The following APBB2 variants were observed in gnomAD, a reference collection of about 807,000 sequenced individuals.
APBB2 encodes amyloid beta precursor protein binding family B member 2.
APBB2 carries 38 observed loss-of-function variants against 82.5 expected under a neutral mutation model. The ratio of observed to expected loss-of-function variants is 0.46; its 90% CI spans 0.36 to 0.60. The LOEUF (loss-of-function observed/expected upper bound fraction) is 0.60. Among genes scored for constraint, APBB2 ranks in the 20% least tolerant of loss-of-function variants. The pLI is 0.00. For missense variants in APBB2, 772 were observed against 972.3 expected, an observed-to-expected ratio of 0.79 and a Z score of 2.74; for synonymous variants, 341 against 368.2, an observed-to-expected ratio of 0.93 and a Z score of 0.85.
intron 2 of APBB2, among the ~76,000 whole-genome samples, chr4:41,139,561 G>A (rs184601342): frequency 1.3e-5 from 2 of 152,186 alleles, no homozygotes; most frequent in East Asian, 1.9e-4. Flanking sequence ...GTGGAACAAC[G>A]ATATAATGGA....
chr4:41,104,749 G>A (rs1746591722), intron 2 of APBB2, among the ~76,000 whole-genome samples: 1 of 152,164 alleles, frequency 6.6e-6, no homozygotes, highest in Non-Finnish European at 1.5e-5. Context: ...AGAATGTGTG[G>A]TATTTGGTTT....
At chr4:40,950,775 G>A (rs945309998) in intron 6 of APBB2, among the ~76,000 whole-genome samples, 2 of 152,106 alleles carry the variant, frequency 1.3e-5, no homozygotes, top group Admixed American at 6.6e-5. Flanking sequence ...CCCAGGAGGC[G>A]GAGGTTGCAG....
At chr4:40,960,478 C>T (rs1216492638) in intron 6 of APBB2, among the ~76,000 whole-genome samples, 3 of 125,368 alleles carry the variant, frequency 2.4e-5, no homozygotes, top group African/African-American at 8.8e-5. Flanking sequence ...GACGGGGTCT[C>T]GCTCTGTCGC....
chr4:40,838,990 G>A (rs1376048789), intron 12 of APBB2, among the ~76,000 whole-genome samples: 3 of 151,980 alleles, frequency 2.0e-5, no homozygotes, highest in African/African-American at 4.8e-5. Flanking sequence ...AGGACATCTC[G>A]TTTCTTTAAT....
chr4:40,944,775 A>G, intron 7 of APBB2, 90 bp downstream of exon 7: 1 of 1,272,700 alleles, frequency 7.9e-7, no homozygotes, highest in Non-Finnish European at 1.1e-6. Flanking sequence ...GCTTACCTTG[A>G]TGACCTGTTG....
intron 1 of APBB2, among the ~76,000 whole-genome samples, chr4:41,196,108 A>G: frequency 0.71 from 107,547 of 150,970 alleles, 38,746 homozygotes; most frequent in African/African-American, 0.79. Context: ...GCAGTGAGCC[A>G]AGATCCCGCC....
intron 4 of APBB2, among the ~76,000 whole-genome samples, chr4:41,056,630 G>C (rs1560632788): frequency 6.6e-6 from 1 of 152,138 alleles, no homozygotes; most frequent in Non-Finnish European, 1.5e-5. Context: ...CAATACCCCA[G>C]AGAAGTCAAC....
chr4:40,955,356 G>C (rs1791334026), intron 6 of APBB2, among the ~76,000 whole-genome samples: 1 of 152,242 alleles, frequency 6.6e-6, no homozygotes, highest in African/African-American at 2.4e-5. Context: ...CTCGATTAGG[G>C]GTGAGAGGTC....
intron 5 of APBB2, among the ~76,000 whole-genome samples, chr4:41,022,071 C>T (rs750028827): frequency 6.6e-6 from 1 of 152,156 alleles, no homozygotes; most frequent in Middle Eastern, 3.4e-3. Flanking sequence ...GGCAAGGGTC[C>T]GTGGCTTCAT....
At chr4:41,208,460 C>T (rs1339347227) in intron 1 of APBB2, among the ~76,000 whole-genome samples, 1 of 152,160 alleles carries the variant, frequency 6.6e-6, no homozygotes, top group Non-Finnish European at 1.5e-5. Context: ...CGGGGTTTCA[C>T]CATGTTGGCC....
intron 1 of APBB2, among the ~76,000 whole-genome samples, chr4:41,163,902 T>C (rs946377998): frequency 3.3e-5 from 5 of 152,240 alleles, no homozygotes; most frequent in African/African-American, 9.6e-5. Context: ...TACAGCTTTG[T>C]ATTCAACCTA....
intron 6 of APBB2, among the ~76,000 whole-genome samples, chr4:40,994,004 G>A (rs1802895032): frequency 6.6e-6 from 1 of 152,066 alleles, no homozygotes; most frequent in African/African-American, 2.4e-5. Context: ...AAACACCTAG[G>A]AGAGGCTGGG....
intron 10 of APBB2, among the ~76,000 whole-genome samples, chr4:40,928,097 A>G (rs1225733532): frequency 6.6e-6 from 1 of 152,250 alleles, no homozygotes; most frequent in Non-Finnish European, 1.5e-5. Flanking sequence ...CGTGCCAAGG[A>G]GTTGTCTTCT....
At chr4:41,196,457 A>C in intron 1 of APBB2, among the ~76,000 whole-genome samples, 1 of 152,164 alleles carries the variant, frequency 6.6e-6, no homozygotes, top group Non-Finnish European at 1.5e-5. Flanking sequence ...CATTCAATGC[A>C]AAAAAATTCC....
chr4:40,983,029 T>G (rs560145751), intron 6 of APBB2, among the ~76,000 whole-genome samples: 1 of 152,266 alleles, frequency 6.6e-6, no homozygotes, highest in South Asian at 2.1e-4. Context: ...ATTACCTAGA[T>G]TTGGGGCTAT....
chr4:40,994,236 G>A (rs191709288), intron 6 of APBB2, among the ~76,000 whole-genome samples: 209 of 150,330 alleles, frequency 1.4e-3, no homozygotes, highest in African/African-American at 4.8e-3. Context: ...GCAGTGAGCC[G>A]AGATCGCGCC....
At chr4:41,121,197 T>A (rs927190658) in intron 2 of APBB2, among the ~76,000 whole-genome samples, 2 of 152,250 alleles carry the variant, frequency 1.3e-5, no homozygotes, top group African/African-American at 2.4e-5. Flanking sequence ...TTACTGTATT[T>A]TTCCTTCTGC....
chr4:40,863,795 A>G (rs570597001), intron 12 of APBB2, among the ~76,000 whole-genome samples: 18 of 148,004 alleles, frequency 1.2e-4, no homozygotes, highest in African/African-American at 4.2e-4. Flanking sequence ...CAGGAGGCTG[A>G]GGCATGAGAA....
At chr4:41,121,894 TGTGTG>T (rs1752939519) in intron 2 of APBB2, among the ~76,000 whole-genome samples, 2 of 149,752 alleles carry the variant, frequency 1.3e-5, no homozygotes, top group Non-Finnish European at 3.0e-5. Flanking sequence ...CTTTTTTGGT[TGTGTG>T]TGTGTGTGTG....
Sources: allele counts gnomAD v4.1 joint callset (sites outside exome capture counted in the v4.1 genomes callset), GRCh38; gene constraint gnomAD v4.1.1; transcripts MANE v1.5; gene names NCBI Gene and HGNC (gene_info 2026-07-23, HGNC 2026-07-21).